The following M1AP variants were observed in gnomAD, a reference collection of about 807,000 sequenced individuals.
M1AP encodes the protein meiosis 1 associated protein, also known as meiosis 1 arrest protein.
In M1AP, 39 loss-of-function variants were observed where a neutral mutation model predicts 51.2. That is an observed-to-expected ratio of 0.76 (90% CI 0.59 to 1.00). The LOEUF (loss-of-function observed/expected upper bound fraction) is 1.00. M1AP is among the 50% of genes least tolerant of loss of function. The probability of loss-of-function intolerance (pLI) is 0.00; values close to 1 mark genes in which losing one functional copy is unlikely to be tolerated. For synonymous variants in M1AP, 251 were observed against 249.2 expected (o/e 1.01, Z -0.07); for missense variants, 545 against 641.2 (o/e 0.85, Z 1.62).
At position 74,597,736 on chromosome 2, in the gene M1AP, T is replaced by C. The variant is rs765526346; in HGVS notation, c.595+9319A>G. Among the ~76,000 whole-genome samples the C allele has an allele frequency of 6.6e-5, 10 of 152,230 alleles. 1 individual carries two copies. Among genetic ancestry groups the C allele is most frequent in the Non-Finnish European group, 1.3e-4 (9 of 68,036 alleles). On this transcript the variant is annotated intron_variant, in intron 4 of 10. Transcript: ENST00000421985. ...TTGCCAGCATCATTAGGTTGATTTG[T>C]AATTGGCTGAATGACTTACATACCC... is the stretch of plus-strand genomic sequence containing the variant.
chr2:74,647,162 C>A, intron 1 of M1AP: 1 of 949,426 alleles, frequency 1.1e-6, no homozygotes, highest in African/African-American at 1.8e-5. Flanking sequence ...AATTACACCA[C>A]TGGAAACAGA....
chr2:74,597,145 T>A (rs1680390588), intron 4 of M1AP, among the ~76,000 whole-genome samples: 1 of 152,256 alleles, frequency 6.6e-6, no homozygotes, highest in Admixed American at 6.5e-5. Flanking sequence ...AAAAATTTTT[T>A]AAATTTCAAT....
chr2:74,646,789 A>G (rs1683641614), intron 1 of M1AP, among the ~76,000 whole-genome samples: 1 of 152,196 alleles, frequency 6.6e-6, no homozygotes, highest in Admixed American at 6.5e-5. Context: ...GTGTTTTGAC[A>G]ATTTTTCAAG....
intron 4 of M1AP, among the ~76,000 whole-genome samples, chr2:74,583,138 C>T (rs965793668): frequency 6.6e-6 from 1 of 152,014 alleles, no homozygotes; most frequent in African/African-American, 2.4e-5. Flanking sequence ...AAAAATTATA[C>T]AGCAATGCAA....
rs775218156 is a variant in M1AP at position 74,558,773 on chromosome 2, A to G, written c.1536T>C (p.Ser512=). The G allele has an allele frequency of 6.2e-7, 1 of 1,612,164 alleles. No homozygotes were observed. The highest frequency in any genetic ancestry group is 1.7e-5 in the Admixed American group (1 of 59,606). ...RASKMPAASK[S]SSDAFFLPSE... ...AAGGCAGGAAGAAGGCATCTGAGGA[A>G]GATTTGCTGGCTGCTGGCATCTTGG... The change falls in exon 11 of 11, where the codon TCT becomes TCC. Residue 512 remains serine (S), a synonymous_variant. Transcript: ENST00000421985.
intron 7 of M1AP, among the ~76,000 whole-genome samples, chr2:74,566,551 G>A (rs183723010): frequency 2.2e-4 from 33 of 152,284 alleles, no homozygotes; most frequent in African/African-American, 7.0e-4. Context: ...TGCGAGGGGC[G>A]TAGGTGAAAG....
chr2:74,637,697 T>C (rs1415686460), intron 2 of M1AP, among the ~76,000 whole-genome samples: 1 of 152,204 alleles, frequency 6.6e-6, no homozygotes, highest in Non-Finnish European at 1.5e-5. Flanking sequence ...GAGTCCTCTA[T>C]CCAATGTATC....
chr2:74,595,505 C>A (rs1680279279), intron 4 of M1AP, among the ~76,000 whole-genome samples: 1 of 151,848 alleles, frequency 6.6e-6, no homozygotes, highest in Non-Finnish European at 1.5e-5. Context: ...GTGCACACTA[C>A]CATGCCAGGC....
chr2:74,589,053 CGT>C (rs1281482664), intron 4 of M1AP, among the ~76,000 whole-genome samples: 1 of 152,018 alleles, frequency 6.6e-6, no homozygotes, highest in Admixed American at 6.5e-5. Flanking sequence ...AATAAAGGGG[CGT>C]GTGTGTGTGC....
chr2:74,621,641 A>T (rs1365438966), intron 2 of M1AP, among the ~76,000 whole-genome samples: 1 of 151,402 alleles, frequency 6.6e-6, no homozygotes, highest in Non-Finnish European at 1.5e-5. Flanking sequence ...AATAATAAAA[A>T]AATTAGCCGG....
intron 2 of M1AP, chr2:74,620,939 C>A: frequency 5.8e-6 from 1 of 173,604 alleles, no homozygotes; most frequent in Non-Finnish European, 1.3e-5. Context: ...TCAAATCCAG[C>A]TTGAGGGCTC....
intron 1 of M1AP, among the ~76,000 whole-genome samples, chr2:74,644,852 C>G (rs1683509025): frequency 2.0e-5 from 3 of 152,166 alleles, no homozygotes; most frequent in South Asian, 4.1e-4. Context: ...GAACTTGAAG[C>G]TGACACAGAG....
intron 10 of M1AP, 121 bp from the exon 11 acceptor site, chr2:74,558,995 A>C: frequency 2.1e-6 from 2 of 962,008 alleles, no homozygotes; most frequent in Non-Finnish European, 2.9e-6. Context: ...TGACAGCCTC[A>C]AGGCCGAGGA....
chr2:74,611,932 C>CG (rs1189575949), intron 3 of M1AP, among the ~76,000 whole-genome samples: 1 of 97,804 alleles, frequency 1.0e-5, no homozygotes, highest in Admixed American at 1.7e-4. Context: ...CTCACTCTGT[C>CG]GCCCAGGCAG....
At chr2:74,643,699 TCCTCCCA>T (rs1464990536) in intron 1 of M1AP, among the ~76,000 whole-genome samples, 1 of 151,482 alleles carries the variant, frequency 6.6e-6, no homozygotes. Flanking sequence ...GCTCAAGTGA[TCCTCCCA>T]CCTCAGCCTC....
chr2:74,632,315 C>T (rs530011308), intron 2 of M1AP, among the ~76,000 whole-genome samples: 12 of 152,162 alleles, frequency 7.9e-5, no homozygotes, highest in Non-Finnish European at 1.6e-4. Flanking sequence ...ATTCAGAACC[C>T]CTAGCTGGTC....
intron 2 of M1AP, among the ~76,000 whole-genome samples, chr2:74,636,708 T>G (rs939228709): frequency 2.0e-5 from 3 of 152,102 alleles, no homozygotes; most frequent in Admixed American, 2.0e-4. Context: ...CCAGTTCAAA[T>G]GAAGTGTAGA....
At chr2:74,576,973 A>G in intron 5 of M1AP, 1 of 1,009,644 alleles carries the variant, frequency 9.9e-7, no homozygotes, top group African/African-American at 1.7e-5. Context: ...TCCTCTGTGG[A>G]GGAGGTAGCT....
chr2:74,588,938 G>A (rs1040888369), intron 4 of M1AP, among the ~76,000 whole-genome samples: 16 of 152,214 alleles, frequency 1.1e-4, no homozygotes, highest in African/African-American at 3.4e-4. Flanking sequence ...ATCAAGAAAA[G>A]AGACAAATTG....
Sources: allele counts gnomAD v4.1 joint callset (sites outside exome capture counted in the v4.1 genomes callset), GRCh38; gene constraint gnomAD v4.1.1; transcripts MANE v1.5; gene names NCBI Gene and HGNC (gene_info 2026-07-23, HGNC 2026-07-21).